AOPEP: variants seen among roughly 807,000 people sequenced by gnomAD.
AOPEP encodes the protein aminopeptidase O (putative), also known as aminopeptidase O.
Under a neutral mutation model 98.1 loss-of-function variants are expected in AOPEP, and 77 were observed. The observed-to-expected ratio is 0.78, with a 90% CI of 0.65 to 0.95. The LOEUF is 0.95. Ranked by LOEUF, AOPEP falls within the 40% of genes least tolerant of loss-of-function variation. The probability of loss-of-function intolerance (pLI) is 0.00; values close to 1 mark genes in which losing one functional copy is unlikely to be tolerated. For missense variants in AOPEP, 1,024 were observed against 1,024.7 expected (o/e 1.00, Z 0.01); for synonymous variants, 346 against 365.3 (o/e 0.95, Z 0.60).
At chr9:95,114,737 G>A in the AOPEP span, 1 of 1,598,144 alleles carries the variant, frequency 6.3e-7, no homozygotes, top group Non-Finnish European at 8.6e-7. Flanking sequence ...ATACGTCAGA[G>A]GGCAACTGAG....
At position 94,760,606 on chromosome 9, in the gene AOPEP, C is replaced by T. The variant is rs771805367; in HGVS notation, c.797+26C>T. The T allele has an allele frequency of 6.6e-6, 10 of 1,511,708 alleles. No individual in the cohort carries two copies. In the African/African-American group the frequency reaches 1.3e-4, roughly 19 times the overall value. 93.6% of individuals were successfully genotyped at this position (1,511,708 alleles called of 1,614,324 possible). ...GTAGGTTATCCAAGCACTTCAAAGC[C>T]CTGTGCCTGTTAATCTTGTACGCTG... On this transcript the variant is annotated intron_variant, in intron 2 of 16. Transcript: ENST00000375315.
At chr9:95,143,844 G>C in the AOPEP span, among the ~76,000 whole-genome samples, 2 of 152,160 alleles carry the variant, frequency 1.3e-5, no homozygotes, top group South Asian at 4.1e-4. Context: ...GGCAGCCCCA[G>C]GGACAGACAT....
At chr9:94,758,955 G>A (rs1178719731) in intron 1 of AOPEP, among the ~76,000 whole-genome samples, 1 of 149,666 alleles carries the variant, frequency 6.7e-6, no homozygotes, top group Non-Finnish European at 1.5e-5. Context: ...CCTTTTGTTT[G>A]CCACAAGAAG....
intron 5 of AOPEP, among the ~76,000 whole-genome samples, chr9:94,833,235 C>CTTTTTTTT (rs34212567): frequency 1.3e-4 from 9 of 70,312 alleles, no homozygotes; most frequent in Non-Finnish European, 1.5e-4. Context: ...CACACCCGTC[C>CTTTTTTTT]TTTTTTTTTT....
At chr9:94,752,809 T>C (rs1281518937) in intron 1 of AOPEP, among the ~76,000 whole-genome samples, 2 of 152,198 alleles carry the variant, frequency 1.3e-5, no homozygotes, top group Middle Eastern at 3.2e-3. Context: ...ATTGGCCTTA[T>C]GAGTTTGCAC....
intron 1 of AOPEP, among the ~76,000 whole-genome samples, chr9:94,730,218 A>G (rs1830192723): frequency 1.3e-5 from 2 of 148,886 alleles, no homozygotes; most frequent in Non-Finnish European, 3.0e-5. Flanking sequence ...GGTGAGGCGG[A>G]GCTTGTAGTG....
chr9:95,049,046 G>A (rs1413525384), intron 13 of AOPEP: 1 of 152,226 alleles, frequency 6.6e-6, no homozygotes, highest in Non-Finnish European at 1.5e-5. Flanking sequence ...TCCACAGAGA[G>A]GAGCAGCCTG....
intron 5 of AOPEP, among the ~76,000 whole-genome samples, chr9:94,886,758 A>C (rs1464486794): frequency 6.6e-6 from 1 of 152,220 alleles, no homozygotes; most frequent in African/African-American, 2.4e-5. Flanking sequence ...TAAGCTCATA[A>C]GTCTAAAAAT....
intron 7 of AOPEP, among the ~76,000 whole-genome samples, chr9:94,954,358 T>C (rs2058311963): frequency 6.6e-6 from 1 of 152,172 alleles, no homozygotes; most frequent in Admixed American, 6.5e-5. Flanking sequence ...GGACCGTGAC[T>C]ATCCAGTCCA....
At chr9:95,026,382 G>T (rs550735765) in intron 13 of AOPEP, among the ~76,000 whole-genome samples, 10 of 152,250 alleles carry the variant, frequency 6.6e-5, no homozygotes, top group African/African-American at 2.2e-4. Flanking sequence ...TAGGCAACCT[G>T]TAAATCTACT....
chr9:94,995,940 A>C (rs1564497365), intron 11 of AOPEP, among the ~76,000 whole-genome samples: 1 of 152,308 alleles, frequency 6.6e-6, no homozygotes, highest in East Asian at 1.9e-4. Context: ...TTTGGTATCT[A>C]AAGAACAATG....
intron 5 of AOPEP, among the ~76,000 whole-genome samples, chr9:94,880,561 G>A (rs1278982302): frequency 6.6e-6 from 1 of 151,922 alleles, no homozygotes; most frequent in African/African-American, 2.4e-5. Context: ...TTGCCATGTT[G>A]CCCAGGCTGG....
At position 94,928,487 on chromosome 9, in the gene AOPEP, C is replaced by G; in HGVS notation, c.1617C>G (p.Leu539=). 1.3e-6 allele frequency: 2 copies of G among 1,550,654 alleles called. No individual in the cohort carries two copies. The highest frequency in any genetic ancestry group is 1.7e-6 in the Non-Finnish European group (2 of 1,147,044). ...ELRACLRWRR[L]QDEMQCSPEE... The stretch of plus-strand genomic sequence containing the variant: ...GGGCTTGTCTGCGCTGGCGTCGCCT[C>G]CAGGACGAGATGCAATGCTCCCCCG... Residue 539 remains leucine, a synonymous_variant, in exon 7 of 17, where the codon CTC becomes CTG. Transcript: ENST00000375315.
intron 6 of AOPEP, among the ~76,000 whole-genome samples, chr9:94,927,869 C>T (rs1257168840): frequency 6.6e-6 from 1 of 152,220 alleles, no homozygotes; most frequent in Non-Finnish European, 1.5e-5. Context: ...CCAGTGAGCA[C>T]ACCATGGGAC....
At chr9:94,740,474 T>C (rs1428040188) in intron 1 of AOPEP, among the ~76,000 whole-genome samples, 2 of 152,304 alleles carry the variant, frequency 1.3e-5, no homozygotes, top group East Asian at 1.9e-4. Context: ...ATAAAAAACA[T>C]GATTAATGCA....
At position 94,924,097 on chromosome 9, in the gene AOPEP, C is replaced by A; in HGVS notation, c.1476C>A (p.Ala492=). The A allele has an allele frequency of 6.6e-7, 1 of 1,515,374 alleles. No individual in the cohort carries two copies. Among genetic ancestry groups the A allele is most frequent in the South Asian group, 1.3e-5 (1 of 78,960 alleles). The allele number at this position is 1,515,374 out of a possible 1,614,324, so 93.9% of individuals were successfully genotyped here. The change falls in exon 6 of 17, where the codon GCC becomes GCA. Residue 492 remains alanine, a synonymous_variant. Transcript: ENST00000375315. ...AHAWFGLAIG[A]RDWTEEWLSE... The stretch of plus-strand genomic sequence containing the variant: ...CCTGGTTTGGCCTAGCCATCGGGGC[C>A]CGAGACTGGACGGAGGAGTGGCTGA...
At chr9:95,016,647 C>T (rs1284405151) in intron 13 of AOPEP, among the ~76,000 whole-genome samples, 2 of 151,994 alleles carry the variant, frequency 1.3e-5, no homozygotes, top group Non-Finnish European at 2.9e-5. Flanking sequence ...GGGTCTCATT[C>T]TGTCACCCAG....
chr9:94,749,797 G>T (rs1399119257), intron 1 of AOPEP, among the ~76,000 whole-genome samples: 1 of 152,092 alleles, frequency 6.6e-6, no homozygotes, highest in African/African-American at 2.4e-5. Flanking sequence ...ATTATAATAT[G>T]AATAGCTGCT....
the AOPEP span, among the ~76,000 whole-genome samples, chr9:95,139,416 G>A: frequency 6.6e-6 from 1 of 152,144 alleles, no homozygotes. Flanking sequence ...TCATCGTACT[G>A]CTGTCAATTT....
Sources: gnomAD v4.1 joint callset for allele counts (sites outside exome capture counted in the v4.1 genomes callset) on GRCh38, gnomAD v4.1.1 for gene constraint, MANE v1.5 for transcripts, NCBI Gene and HGNC (gene_info 2026-07-23, HGNC 2026-07-21) for gene names.